Variants in UBTD2 observed in about 807,000 individuals in gnomAD.
UBTD2 encodes ubiquitin domain-containing protein 2.
Under a neutral mutation model 19.8 loss-of-function variants are expected in UBTD2, and 9 were observed. The observed-to-expected ratio is 0.46, with a 90% CI of 0.27 to 0.79. UBTD2 has a LOEUF of 0.79. Ranked by LOEUF, UBTD2 falls within the 30% of genes least tolerant of loss-of-function variation. UBTD2 has a pLI of 0.14. For synonymous variants in UBTD2, 98 were observed against 103.9 expected, an observed-to-expected ratio of 0.94 and a Z score of 0.35; for missense variants, 250 against 300.4, an observed-to-expected ratio of 0.83 and a Z score of 1.24.
chr5:172,282,637 G>A (rs1328806133), intron 1 of UBTD2, among the ~76,000 whole-genome samples: 3 of 152,156 alleles, frequency 2.0e-5, no homozygotes, highest in African/African-American at 7.2e-5. Context: ...TCAAACCAAC[G>A]CTGTCATCTT....
At chr5:172,276,730 A>T (rs184901000) in intron 1 of UBTD2, among the ~76,000 whole-genome samples, 227 of 151,940 alleles carry the variant, frequency 1.5e-3, no homozygotes, top group African/African-American at 5.0e-3. Flanking sequence ...GACGGAAGAA[A>T]GGGAAAGGGG....
chr5:172,248,583 G>A (rs1170025583), intron 1 of UBTD2, among the ~76,000 whole-genome samples: 15 of 149,902 alleles, frequency 1.0e-4, no homozygotes, highest in East Asian at 7.8e-4. Flanking sequence ...GCGAGACTCC[G>A]TCTAAAAAAA....
chr5:172,254,599 CG>C (rs1755100988), intron 1 of UBTD2: 2 of 644,956 alleles, frequency 3.1e-6, no homozygotes, highest in Non-Finnish European at 5.5e-6. Flanking sequence ...GAGCTTTTAG[CG>C]TACACTTTGT....
chr5:172,245,818 T>C (rs1171174468), intron 1 of UBTD2, among the ~76,000 whole-genome samples: 1 of 151,972 alleles, frequency 6.6e-6, no homozygotes, highest in East Asian at 1.9e-4. Context: ...CTTTGAAAAG[T>C]GAACTGACAT....
chr5:172,212,133 G>A lies in UBTD2; in HGVS notation c.402C>T (p.Ser134=), dbSNP rs143342861. ...APPINMIEEK[S]DIETLDIPEP... The stretch of plus-strand genomic sequence containing the variant: ...CAGGAATATCCAGAGTCTCTATGTC[G>A]CTCTTTTCCTCTATCATGTTGATTG... Residue 134 remains serine, a synonymous_variant, in exon 3 of 3, where the codon AGC becomes AGT. Coordinates refer to ENST00000393792, the MANE Select transcript of UBTD2 (RefSeq NM_152277.3). 2.5e-5 allele frequency: 41 copies of A among 1,614,152 alleles called. No individual in the cohort carries two copies. The highest frequency in any genetic ancestry group is 2.0e-4 in the Admixed American group (12 of 60,012).
At chr5:172,232,684 A>G (rs1202729783) in intron 2 of UBTD2, among the ~76,000 whole-genome samples, 1 of 151,986 alleles carries the variant, frequency 6.6e-6, no homozygotes, top group Non-Finnish European at 1.5e-5. Flanking sequence ...ACATAGTGAG[A>G]CCATGCCTCT....
chr5:172,235,775 C>T (rs987155008), intron 1 of UBTD2, among the ~76,000 whole-genome samples: 4 of 152,084 alleles, frequency 2.6e-5, no homozygotes, highest in Non-Finnish European at 4.4e-5. Flanking sequence ...TAAGATTATA[C>T]AGTGCTATAG....
chr5:172,261,823 C>T (rs1375261912), intron 1 of UBTD2, among the ~76,000 whole-genome samples: 1 of 152,084 alleles, frequency 6.6e-6, no homozygotes, highest in South Asian at 2.1e-4. Context: ...TGGGTTTCGC[C>T]ATGTTGGCCA....
At chr5:172,263,412 A>C (rs1442903521) in intron 1 of UBTD2, among the ~76,000 whole-genome samples, 1 of 152,350 alleles carries the variant, frequency 6.6e-6, no homozygotes, top group Non-Finnish European at 1.5e-5. Flanking sequence ...CTGTATTACT[A>C]AACATCTCAT....
intron 1 of UBTD2, among the ~76,000 whole-genome samples, chr5:172,280,861 T>C (rs1755700149): frequency 6.6e-6 from 1 of 152,166 alleles, no homozygotes; most frequent in Non-Finnish European, 1.5e-5. Context: ...CTTCAAAGAA[T>C]ACACCTAATA....
intron 1 of UBTD2, among the ~76,000 whole-genome samples, chr5:172,258,492 T>C (rs986919270): frequency 6.6e-6 from 1 of 152,202 alleles, no homozygotes; most frequent in Non-Finnish European, 1.5e-5. Context: ...AATTTTAGAA[T>C]AGTGTTTTCA....
At chr5:172,250,996 AAGAT>A (rs1754994690) in intron 1 of UBTD2, among the ~76,000 whole-genome samples, 1 of 151,282 alleles carries the variant, frequency 6.6e-6, no homozygotes, top group Non-Finnish European at 1.5e-5. Flanking sequence ...GAAGAAAAGA[AAGAT>A]AAAGTCCTTG....
At position 172,283,383 on chromosome 5, in the gene UBTD2, C is replaced by T. The variant is rs1755759889; in HGVS notation, c.70+213G>A. Among the ~76,000 whole-genome samples the T allele has an allele frequency of 6.6e-6, 1 of 152,220 alleles. No homozygotes were observed. The highest frequency in any genetic ancestry group is 2.4e-5 in the African/African-American group (1 of 41,470). On this transcript the variant is annotated intron_variant, in intron 1 of 2. Transcript: ENST00000393792. The surrounding 1 kb of genome is among the most constrained non-coding windows in gnomAD (Gnocchi z 4.3). The stretch of plus-strand genomic sequence containing the variant: ...GTCGGCGAGGCCAAGGGCTACGTCC[C>T]CGGCGCTCAGAGGACTTTTCTTCAG...
intron 1 of UBTD2, among the ~76,000 whole-genome samples, chr5:172,242,621 T>C (rs1772154715): frequency 6.6e-6 from 1 of 152,218 alleles, no homozygotes; most frequent in South Asian, 2.1e-4. Context: ...ATTCTTTATA[T>C]TGCAACACAT....
intron 2 of UBTD2, among the ~76,000 whole-genome samples, chr5:172,232,035 C>T (rs1771911149): frequency 6.6e-6 from 1 of 152,130 alleles, no homozygotes; most frequent in South Asian, 2.1e-4. Context: ...CTTTAGAAGG[C>T]CAAGGCAGGC....
intron 1 of UBTD2, among the ~76,000 whole-genome samples, chr5:172,268,372 A>G (rs1223243132): frequency 6.6e-6 from 1 of 152,176 alleles, no homozygotes; most frequent in Non-Finnish European, 1.5e-5. Flanking sequence ...AAATAGTTCA[A>G]CCGTCCTCTG....
intron 2 of UBTD2, among the ~76,000 whole-genome samples, chr5:172,228,025 G>A (rs2113886158): frequency 6.6e-6 from 1 of 152,190 alleles, no homozygotes; most frequent in Admixed American, 6.5e-5. Flanking sequence ...AAAATTCATG[G>A]CCTGCTTCTT....
intron 2 of UBTD2, among the ~76,000 whole-genome samples, chr5:172,220,141 T>C (rs746834888): frequency 3.9e-5 from 6 of 152,206 alleles, no homozygotes; most frequent in Middle Eastern, 3.2e-3. Context: ...CATGACCAAG[T>C]AGGCTTTAGT....
chr5:172,264,194 T>C (rs1041446717), intron 1 of UBTD2, among the ~76,000 whole-genome samples: 1 of 152,002 alleles, frequency 6.6e-6, no homozygotes, highest in African/African-American at 2.4e-5. Context: ...GTACCAGCAA[T>C]AACTTGTCGT....
Sources: gnomAD v4.1 joint callset for allele counts (sites outside exome capture counted in the v4.1 genomes callset) on GRCh38, gnomAD v4.1.1 for gene constraint, Gnocchi (gnomAD v3.1) non-coding constraint, MANE v1.5 for transcripts, NCBI Gene and HGNC (gene_info 2026-07-23, HGNC 2026-07-21) for gene names.